Variants in TENM4 observed in about 807,000 individuals in gnomAD.
TENM4 encodes teneurin transmembrane protein 4.
In TENM4, 82 loss-of-function variants were observed where a neutral mutation model predicts 243.3. The ratio of observed to expected loss-of-function variants is 0.34; its 90% confidence interval spans 0.28 to 0.40. The LOEUF is 0.40. Among genes scored for constraint, TENM4 ranks in the 10% least tolerant of loss-of-function variants. The pLI is 1.00. For missense variants in TENM4, 3,138 were observed against 3,673.3 expected (o/e 0.85, Z 3.77); for synonymous variants, 1,412 against 1,456.3 (o/e 0.97, Z 0.69).
chr11:79,015,937 T>C (rs1466097643), intron 6 of TENM4, among the ~76,000 whole-genome samples: 1 of 151,942 alleles, frequency 6.6e-6, no homozygotes, highest in Non-Finnish European at 1.5e-5. Context: ...GACCTAAAGA[T>C]GTCAAAAGTG....
chr11:78,722,561 G>T, intron 24 of TENM4, 107 bp downstream of exon 24: 1 of 1,451,076 alleles, frequency 6.9e-7, no homozygotes, highest in Non-Finnish European at 9.3e-7. Flanking sequence ...GACGGGCAAG[G>T]CTCTGTCCTA....
intron 33 of TENM4, among the ~76,000 whole-genome samples, chr11:78,659,645 C>T (rs939096603): frequency 6.6e-6 from 1 of 152,170 alleles, no homozygotes; most frequent in Non-Finnish European, 1.5e-5. Context: ...AACCCTCCCA[C>T]CCTGCTTCAC....
rs78559858 is a variant in TENM4, at chr11:78,929,901, A to G, written c.494-26378T>C. Among the ~76,000 whole-genome samples, 728 of 152,336 alleles carry G rather than the reference A, an allele frequency of 4.8e-3. 2 individuals are homozygous for G. Among genetic ancestry groups the G allele is most frequent in the East Asian group, 0.011 (57 of 5,174 alleles). On this transcript the variant is annotated intron_variant, in intron 6 of 33. Transcript: ENST00000278550. ...TTCTTTGAAGACTAATTAAATTAAG[A>G]TTCTGGACAGAACAGAACCCGTTGC... is the stretch of plus-strand genomic sequence containing the variant.
chr11:78,675,321 T>C (rs770328175), intron 30 of TENM4, among the ~76,000 whole-genome samples: 5 of 152,240 alleles, frequency 3.3e-5, no homozygotes, highest in Non-Finnish European at 5.9e-5. Context: ...TGTGTTGCTA[T>C]GAGGATGCTT....
intron 6 of TENM4, among the ~76,000 whole-genome samples, chr11:78,992,419 T>C (rs1217999396): frequency 1.3e-5 from 2 of 152,230 alleles, no homozygotes; most frequent in Non-Finnish European, 2.9e-5. Context: ...CTGATCTCAT[T>C]TGACCAAGGA....
chr11:79,311,587 A>G (rs764007038), intron 1 of TENM4, among the ~76,000 whole-genome samples: 6 of 152,230 alleles, frequency 3.9e-5, no homozygotes, highest in East Asian at 1.9e-4. Flanking sequence ...AGTCCATAAA[A>G]ATCTTCAAAG....
At position 78,669,431 on chromosome 11, in the gene TENM4, C is replaced by A; in HGVS notation, c.6914G>T (p.Ser2305Ile). ...GLGRRVSSKS[S>I]HSHHLQFFYA... is the part of the protein sequence containing the mutation. ...GAAGAACTGCAGGTGGTGGCTGTGG[C>A]TGCTCTTGCTGGACACGCGCCGCCC... The change falls in exon 32 of 34, where the codon AGC becomes ATC. Residue 2305 changes from serine (S) to isoleucine (I), a missense_variant. By Grantham distance (142) the Ser-to-Ile change is moderately radical. This residue lies in a region of TENM4 where 2,467 missense variants were observed against 3,059.1 expected (regional missense o/e 0.81). Coordinates refer to ENST00000278550, the MANE Select transcript of TENM4 (RefSeq NM_001098816.3). The surrounding 1 kb of genome is among the most constrained non-coding windows in gnomAD (Gnocchi z 6.4). 6.2e-7 allele frequency: 1 copy of A among 1,612,648 alleles called. No homozygotes were observed. Among genetic ancestry groups the A allele is most frequent in the South Asian group, 1.1e-5 (1 of 90,838 alleles).
chr11:79,397,286 T>A (rs1186158773), intron 1 of TENM4, among the ~76,000 whole-genome samples: 1 of 152,198 alleles, frequency 6.6e-6, no homozygotes, highest in African/African-American at 2.4e-5. Context: ...CCCATAGTTA[T>A]AGGTATTACT....
intron 6 of TENM4, among the ~76,000 whole-genome samples, chr11:79,054,983 C>A (rs1859905240): frequency 6.6e-6 from 1 of 151,748 alleles, no homozygotes; most frequent in African/African-American, 2.4e-5. Context: ...AAACAATTAG[C>A]CAGGCGTGGT....
At chr11:78,927,823 A>G (rs957090259) in intron 6 of TENM4, among the ~76,000 whole-genome samples, 1 of 150,448 alleles carries the variant, frequency 6.6e-6, no homozygotes, top group Non-Finnish European at 1.5e-5. Context: ...TCTCCCTTCC[A>G]TCCTAAAAGG....
At chr11:79,395,928 C>A (rs1565328870) in intron 1 of TENM4, among the ~76,000 whole-genome samples, 1 of 152,148 alleles carries the variant, frequency 6.6e-6, no homozygotes, top group East Asian at 1.9e-4. Flanking sequence ...GCTCCTTGGC[C>A]TCAGTTTACT....
chr11:79,115,944 G>A (rs1861610120), intron 4 of TENM4, among the ~76,000 whole-genome samples: 1 of 152,228 alleles, frequency 6.6e-6, no homozygotes, highest in Admixed American at 6.5e-5. Context: ...GGGCAGACAG[G>A]AGAGGCAGAA....
intron 1 of TENM4, among the ~76,000 whole-genome samples, chr11:79,381,270 C>CA (rs1432129600): frequency 6.6e-6 from 1 of 151,830 alleles, no homozygotes; most frequent in Non-Finnish European, 1.5e-5. Flanking sequence ...AACAAGTACC[C>CA]CCTCAGGAAA....
chr11:79,278,676 T>C (rs1182921182), intron 2 of TENM4, among the ~76,000 whole-genome samples: 1 of 152,228 alleles, frequency 6.6e-6, no homozygotes, highest in African/African-American at 2.4e-5. Flanking sequence ...AAACCTTTCC[T>C]GGACCATTTC....
intron 2 of TENM4, among the ~76,000 whole-genome samples, chr11:79,225,654 G>A (rs969859039): frequency 3.3e-5 from 5 of 152,010 alleles, no homozygotes; most frequent in African/African-American, 1.2e-4. Flanking sequence ...TTTTTTTGTA[G>A]TTTTAGTAGA....
At chr11:79,122,334 G>C (rs773253059) in intron 4 of TENM4, among the ~76,000 whole-genome samples, 11 of 152,170 alleles carry the variant, frequency 7.2e-5, no homozygotes, top group Non-Finnish European at 1.3e-4. Context: ...GAAGAGAATG[G>C]AGCTAATCGT....
intron 22 of TENM4, among the ~76,000 whole-genome samples, chr11:78,728,232 T>C (rs1855569466): frequency 6.6e-6 from 1 of 152,202 alleles, no homozygotes; most frequent in African/African-American, 2.4e-5. Context: ...TGCGAACCCA[T>C]AGGAAAGATC....
chr11:79,085,346 C>T (rs1202305583), intron 4 of TENM4, among the ~76,000 whole-genome samples: 3 of 148,162 alleles, frequency 2.0e-5, no homozygotes, highest in Admixed American at 2.0e-4. Flanking sequence ...CACTGCACTC[C>T]AGCCTGGGCG....
chr11:78,708,968 TC>T (rs1176588085), intron 26 of TENM4, among the ~76,000 whole-genome samples: 3 of 99,402 alleles, frequency 3.0e-5, no homozygotes, highest in African/African-American at 8.7e-5. Flanking sequence ...TCTTTTTCTT[TC>T]TTTTTTTTTT....
Sources: allele counts gnomAD v4.1 joint callset (sites outside exome capture counted in the v4.1 genomes callset), GRCh38; gene constraint gnomAD v4.1.1; regional missense constraint gnomAD v4.1.1; non-coding constraint Gnocchi (gnomAD v3.1); transcripts MANE v1.5; gene names NCBI Gene and HGNC (gene_info 2026-07-23, HGNC 2026-07-21).